ATRNL1: variants seen among roughly 807,000 people sequenced by gnomAD.
ATRNL1 encodes the protein attractin-like protein 1.
In ATRNL1, 95 loss-of-function variants were observed where a neutral mutation model predicts 182.7. The observed-to-expected ratio is 0.52, with a 90% CI of 0.44 to 0.62. The LOEUF (loss-of-function observed/expected upper bound fraction) is 0.62. Among genes scored for constraint, ATRNL1 ranks in the 20% least tolerant of loss-of-function variants. ATRNL1 has a pLI of 0.00. For missense variants in ATRNL1, 1,471 were observed against 1,679.5 expected (o/e 0.88, Z 2.17); for synonymous variants, 576 against 568.3 (o/e 1.01, Z -0.19).
chr10:115,780,936 G>A (rs1455012717), intron 27 of ATRNL1, among the ~76,000 whole-genome samples: 3 of 152,084 alleles, frequency 2.0e-5, no homozygotes, highest in African/African-American at 7.2e-5. Flanking sequence ...CAAAGTGGAG[G>A]GAGACCAGAA....
At chr10:115,438,960 C>T (rs1377822516) in intron 21 of ATRNL1, among the ~76,000 whole-genome samples, 1 of 151,984 alleles carries the variant, frequency 6.6e-6, no homozygotes, top group East Asian at 1.9e-4. Flanking sequence ...AACTTAACTA[C>T]TAATAGGATA....
intron 27 of ATRNL1, among the ~76,000 whole-genome samples, chr10:115,769,203 T>G (rs1948928339): frequency 6.6e-6 from 1 of 152,166 alleles, no homozygotes. Context: ...GTATGGAGGC[T>G]ATCTTCTCCT....
At chr10:115,902,515 A>G (rs1555113722) in intron 28 of ATRNL1, among the ~76,000 whole-genome samples, 3 of 152,310 alleles carry the variant, frequency 2.0e-5, no homozygotes, top group South Asian at 4.1e-4. Flanking sequence ...TTCCATTAAC[A>G]TTAATGGAAG....
intron 26 of ATRNL1, among the ~76,000 whole-genome samples, chr10:115,724,839 G>T (rs1367860774): frequency 6.6e-6 from 1 of 152,084 alleles, no homozygotes; most frequent in Admixed American, 6.6e-5. Context: ...AGATAATCAC[G>T]ATTTACTCCA....
intron 27 of ATRNL1, among the ~76,000 whole-genome samples, chr10:115,804,681 C>T (rs1555085237): frequency 6.6e-6 from 1 of 152,130 alleles, no homozygotes. Flanking sequence ...GTACCACAAA[C>T]AACAAAGGCT....
intron 26 of ATRNL1, among the ~76,000 whole-genome samples, chr10:115,691,947 C>T (rs1360768620): frequency 2.0e-5 from 3 of 152,046 alleles, no homozygotes; most frequent in Non-Finnish European, 4.4e-5. Flanking sequence ...CTTCGCTTTG[C>T]AGAAGCTTCT....
chr10:115,153,409 G>A (rs1554881206), intron 5 of ATRNL1, among the ~76,000 whole-genome samples: 1 of 152,030 alleles, frequency 6.6e-6, no homozygotes, highest in African/African-American at 2.4e-5. Flanking sequence ...GGTCTATTCA[G>A]GGATTCAACT....
intron 27 of ATRNL1, among the ~76,000 whole-genome samples, chr10:115,780,477 G>A (rs1949236876): frequency 6.6e-6 from 1 of 152,142 alleles, no homozygotes; most frequent in Admixed American, 6.5e-5. Context: ...CACTAGTCGG[G>A]GCTGCTAAGG....
chr10:115,353,392 G>GT (rs1254882369), intron 19 of ATRNL1, among the ~76,000 whole-genome samples: 1 of 151,932 alleles, frequency 6.6e-6, no homozygotes, highest in African/African-American at 2.4e-5. Context: ...AGCTATTCTT[G>GT]TTTTTTGTTT....
At chr10:115,304,363 T>C (rs1853624385) in intron 17 of ATRNL1, among the ~76,000 whole-genome samples, 2 of 152,126 alleles carry the variant, frequency 1.3e-5, no homozygotes, top group South Asian at 4.1e-4. Context: ...GGCAACCCAT[T>C]CTAGTTAGCA....
intron 26 of ATRNL1, among the ~76,000 whole-genome samples, chr10:115,554,434 C>T (rs1853192650): frequency 6.6e-6 from 1 of 151,530 alleles, no homozygotes; most frequent in African/African-American, 2.4e-5. Context: ...TGATACTTAC[C>T]TTGTAAACCT....
At chr10:115,856,677 G>A (rs1951196848) in intron 28 of ATRNL1, among the ~76,000 whole-genome samples, 1 of 152,072 alleles carries the variant, frequency 6.6e-6, no homozygotes, top group African/African-American at 2.4e-5. Context: ...AGAGTTTGCA[G>A]CCTAGATCCC....
intron 26 of ATRNL1, among the ~76,000 whole-genome samples, chr10:115,677,292 C>T (rs1945894694): frequency 6.6e-6 from 1 of 152,054 alleles, no homozygotes; most frequent in South Asian, 2.1e-4. Flanking sequence ...CTTTATTTTG[C>T]TAACACTTTG....
intron 27 of ATRNL1, among the ~76,000 whole-genome samples, chr10:115,743,385 C>T (rs1008551217): frequency 1.3e-5 from 2 of 151,434 alleles, no homozygotes; most frequent in Non-Finnish European, 2.9e-5. Flanking sequence ...GCCTCTGACT[C>T]TGTCTCTGTT....
At chr10:115,182,385 G>A (rs190975352) in intron 8 of ATRNL1, among the ~76,000 whole-genome samples, 11 of 151,376 alleles carry the variant, frequency 7.3e-5, no homozygotes, top group Middle Eastern at 3.4e-3. Context: ...AGATATAAAC[G>A]TTCTTACCTA....
intron 25 of ATRNL1, among the ~76,000 whole-genome samples, chr10:115,543,822 A>C (rs1170366202): frequency 6.6e-6 from 1 of 152,138 alleles, no homozygotes; most frequent in East Asian, 1.9e-4. Context: ...TTATTGAAAT[A>C]TCTCTCCCTA....
intron 1 of ATRNL1, among the ~76,000 whole-genome samples, chr10:115,119,006 T>C (rs1844609562): frequency 6.6e-6 from 1 of 152,144 alleles, no homozygotes. Flanking sequence ...AATTATTTAC[T>C]ATCTTATAGG....
chr10:115,445,994 A>G (rs1196085756), intron 21 of ATRNL1, among the ~76,000 whole-genome samples: 1 of 152,154 alleles, frequency 6.6e-6, no homozygotes, highest in African/African-American at 2.4e-5. Context: ...TTTACCATTC[A>G]GTTGAGGTAC....
At chr10:115,664,181 A>G (rs1860866958) in intron 26 of ATRNL1, among the ~76,000 whole-genome samples, 1 of 152,118 alleles carries the variant, frequency 6.6e-6, no homozygotes, top group South Asian at 2.1e-4. Context: ...CTTCTCCAGA[A>G]CTTTCTAACT....
Sources: gnomAD v4.1 joint callset for allele counts (sites outside exome capture counted in the v4.1 genomes callset) on GRCh38, gnomAD v4.1.1 for gene constraint, MANE v1.5 for transcripts, NCBI Gene and HGNC (gene_info 2026-07-23, HGNC 2026-07-21) for gene names.